The following NCOR1 variants were observed in gnomAD, a reference collection of about 807,000 sequenced individuals.
NCOR1 encodes protein phosphatase 1, regulatory subunit 109.
NCOR1 carries 63 observed loss-of-function variants against 288.1 expected under a neutral mutation model. The observed-to-expected ratio is 0.22, with a 90% CI of 0.18 to 0.27. NCOR1 has a LOEUF of 0.27. NCOR1 is among the 10% of genes least tolerant of loss of function. The pLI is 1.00. For synonymous variants in NCOR1, 1,007 were observed against 1,065.9 expected, an observed-to-expected ratio of 0.94 and a Z score of 1.08; for missense variants, 2,397 against 3,019.2, an observed-to-expected ratio of 0.79 and a Z score of 4.83.
intron 19 of NCOR1, among the ~76,000 whole-genome samples, chr17:16,102,806 C>T (rs1412587623): frequency 6.6e-6 from 1 of 152,124 alleles, no homozygotes. Context: ...GTTGCCCAGG[C>T]TGGTCTTGAA....
At position 16,075,564 on chromosome 17, in the gene NCOR1, C is replaced by T; in HGVS notation, c.3640G>A (p.Gly1214Ser). The T allele has an allele frequency of 6.2e-7, 1 of 1,614,188 alleles. No individual in the cohort carries two copies. The highest frequency in any genetic ancestry group is 8.5e-7 in the Non-Finnish European group (1 of 1,180,036). The change falls in exon 27 of 46, where the codon GGC becomes AGC. Residue 1214 changes from glycine to serine, a missense_variant. Transcript: ENST00000268712. Reference protein sequence around the residue: ...AASKGHVIYEGKSGHILSYDN... With the variant: ...AASKGHVIYESKSGHILSYDN... ...TATGACAAGATATGTCCACTTTTGC[C>T]TTCATAAATAACATGGCCTTTGGAT...
At chr17:16,089,268 TAA>T (rs1412827954) in intron 22 of NCOR1, among the ~76,000 whole-genome samples, 2 of 152,066 alleles carry the variant, frequency 1.3e-5, no homozygotes, top group Admixed American at 1.3e-4. Flanking sequence ...ATAGAAGCAT[TAA>T]CTCTTATTTT....
intron 5 of NCOR1, among the ~76,000 whole-genome samples, chr17:16,164,715 A>G (rs1382525519): frequency 9.2e-5 from 14 of 152,066 alleles, no homozygotes; most frequent in Non-Finnish European, 4.4e-5. Flanking sequence ...ACCAAAAACC[A>G]GCACCATTGT....
At chr17:16,092,681 ATATATATATATATATTTTTTTTTTT>A (rs1213714232) in intron 21 of NCOR1, among the ~76,000 whole-genome samples, 2 of 19,944 alleles carry the variant, frequency 1.0e-4, no homozygotes, top group African/African-American at 2.3e-4. Flanking sequence ...ATATATATAT[ATATATATATATATATTTTTTTTTTT>A]TTTTTTTTTT....
intron 4 of NCOR1, among the ~76,000 whole-genome samples, chr17:16,167,467 A>G (rs2082231463): frequency 6.6e-6 from 1 of 152,118 alleles, no homozygotes; most frequent in Non-Finnish European, 1.5e-5. Context: ...AAAAAAAATA[A>G]TAATAAAGGA....
At position 16,083,969 on chromosome 17, in the gene NCOR1, A is replaced by G. The variant is rs1274790779; in HGVS notation, c.3177+2313T>C. On this transcript the variant is annotated intron_variant, in intron 23 of 45. Transcript: ENST00000268712. ...AGAGAAGAGAAGAGATCCCAGCAGA[A>G]TTTTTTTTCTTTAAGTAGACTGACA... The G allele has an allele frequency of 2.6e-5, 4 of 152,186 alleles. No individual in the cohort carries two copies. The East Asian group carries it at 7.7e-4, about 29-fold the overall frequency. 9.4% of individuals were successfully genotyped at this position (152,186 alleles called of 1,614,324 possible).
At chr17:16,200,838 G>C (rs2090694136) in intron 1 of NCOR1, among the ~76,000 whole-genome samples, 1 of 152,164 alleles carries the variant, frequency 6.6e-6, no homozygotes, top group African/African-American at 2.4e-5. Flanking sequence ...ACAAAGCTAA[G>C]AAGGACCACC....
chr17:16,056,359 C>CTGCA (rs1225477013), intron 40 of NCOR1, among the ~76,000 whole-genome samples: 2 of 136,862 alleles, frequency 1.5e-5, no homozygotes, highest in Non-Finnish European at 3.0e-5. Flanking sequence ...GTCGCCCAGG[C>CTGCA]TGCAGTGCAA....
At chr17:16,207,102 C>T (rs2091602068) in intron 1 of NCOR1, among the ~76,000 whole-genome samples, 1 of 152,086 alleles carries the variant, frequency 6.6e-6, no homozygotes, top group South Asian at 2.1e-4. Context: ...CTAGATAGCA[C>T]AAGTTTTGAT....
intron 40 of NCOR1, 51 bp downstream of exon 40, chr17:16,057,463 A>G (rs1036275434): frequency 7.2e-6 from 11 of 1,537,806 alleles, no homozygotes; most frequent in Non-Finnish European, 9.9e-6. Context: ...GATATATTCC[A>G]TTTGTTTTAC....
intron 45 of NCOR1, 101 bp downstream of exon 45, chr17:16,034,664 G>A (rs1973753809): frequency 1.9e-6 from 2 of 1,077,476 alleles, no homozygotes; most frequent in Non-Finnish European, 2.7e-6. Flanking sequence ...TGGGAATATA[G>A]GTTTCCAAAT....
Position 16,070,281 on chromosome 17 carries a change from G to A in NCOR1, c.4397C>T (p.Ala1466Val), listed in dbSNP as rs1455294516. 2.5e-6 allele frequency: 4 copies of A among 1,614,008 alleles called. No homozygotes were observed. The highest frequency in any genetic ancestry group is 3.4e-6 in the Non-Finnish European group (4 of 1,180,044). Reference protein sequence around the residue: ...PSVLRSTLHEAPKAQLSPGIY... With the variant: ...PSVLRSTLHEVPKAQLSPGIY... ...CCCAGGGCTCAGTTGTGCTTTGGGA[G>A]CTTCATGCAGTGTGGACCTAAGAAC... Residue 1466 changes from alanine (A) to valine (V), a missense_variant, in exon 31 of 46, where the codon GCT (alanine) becomes GTT (valine). Physicochemically the swap from Ala to Val is moderately conservative, Grantham distance 64. Around this residue, in one of 11 missense-constraint regions of NCOR1, gnomAD observed 1,872 missense variants for 2,187.8 expected, o/e 0.86. Coordinates refer to ENST00000268712, the MANE Select transcript of NCOR1 (RefSeq NM_006311.4).
intron 26 of NCOR1, among the ~76,000 whole-genome samples, chr17:16,077,750 T>A (rs1382050882): frequency 6.6e-6 from 1 of 152,186 alleles, no homozygotes; most frequent in Non-Finnish European, 1.5e-5. Flanking sequence ...GGCAAAAATG[T>A]GTTGATTGTA....
At chr17:16,088,598 T>C (rs1289320732) in intron 22 of NCOR1, among the ~76,000 whole-genome samples, 1 of 152,182 alleles carries the variant, frequency 6.6e-6, no homozygotes, top group Non-Finnish European at 1.5e-5. Context: ...ACACTATCTT[T>C]TGTAAGGTGC....
chr17:16,139,203 AT>A lies in NCOR1; in HGVS notation c.1174-18del. 6.2e-7 allele frequency: 1 copy of A among 1,604,260 alleles called. No homozygotes were observed. Among genetic ancestry groups the A allele is most frequent in the Non-Finnish European group, 8.5e-7 (1 of 1,174,466 alleles). On this transcript the variant is annotated intron_variant, in intron 11 of 45. Coordinates refer to ENST00000268712, the MANE Select transcript of NCOR1 (RefSeq NM_006311.4). ...CTCATTATTCTGGAAAAAAAATACA[AT>A]TTACTTAGAATAAAACATAAACTAG... is the stretch of plus-strand genomic sequence containing the variant.
chr17:16,070,347 A>G lies in NCOR1; in HGVS notation c.4331T>C (p.Val1444Ala). 6.2e-7 allele frequency: 1 copy of G among 1,614,160 alleles called. No homozygotes were observed. The highest frequency in any genetic ancestry group is 8.5e-7 in the Non-Finnish European group (1 of 1,180,028). The change falls in exon 31 of 46, where the codon GTG (valine) becomes GCG (alanine). Residue 1444 changes from valine (V) to alanine (A), a missense_variant. Physicochemically the swap from Val to Ala is moderately conservative, Grantham distance 64. Coordinates refer to ENST00000268712, the MANE Select transcript of NCOR1 (RefSeq NM_006311.4). ...TACCACTGACGTGTGCCGGGAACGC[A>G]CGGTCTCGCCTGCTTTCACATCCTC... is the stretch of plus-strand genomic sequence containing the variant. ...KYEDVKAGET[V>A]RSRHTSVVSS...
intron 40 of NCOR1, among the ~76,000 whole-genome samples, chr17:16,049,841 TG>T (rs1157148428): frequency 1.3e-5 from 2 of 152,164 alleles, no homozygotes; most frequent in African/African-American, 4.8e-5. Context: ...CCTCCAAAAG[TG>T]CTAGGATTAC....
At chr17:16,172,216 C>A (rs559955826) in intron 3 of NCOR1, among the ~76,000 whole-genome samples, 2 of 152,164 alleles carry the variant, frequency 1.3e-5, no homozygotes, top group South Asian at 2.1e-4. Context: ...ATTAGCTGGG[C>A]GTGGCAGTGG....
At chr17:16,195,043 A>G (rs957162793) in intron 1 of NCOR1, among the ~76,000 whole-genome samples, 1 of 152,240 alleles carries the variant, frequency 6.6e-6, no homozygotes, top group Non-Finnish European at 1.5e-5. Context: ...ATTTGTGCAG[A>G]GGGAAGTATT....
Sources: gnomAD v4.1 joint callset for allele counts (sites outside exome capture counted in the v4.1 genomes callset) on GRCh38, gnomAD v4.1.1 for gene constraint, gnomAD v4.1.1 regional missense constraint, MANE v1.5 for transcripts, NCBI Gene and HGNC (gene_info 2026-07-23, HGNC 2026-07-21) for gene names.